Variants in CNOT1 observed in about 807,000 individuals in gnomAD.
The protein encoded by CNOT1 is CCR4-NOT transcription complex subunit 1.
A neutral mutation model predicts 273.8 loss-of-function variants in CNOT1; 15 were observed. That is an observed-to-expected ratio of 0.05 (90% CI 0.04 to 0.08). The LOEUF (loss-of-function observed/expected upper bound fraction) is 0.08, where lower values mean the gene tolerates loss of function less well. Ranked by LOEUF, CNOT1 falls within the 10% of genes least tolerant of loss-of-function variation. The pLI is 1.00. For synonymous variants in CNOT1, 1,022 were observed against 1,005.5 expected, an observed-to-expected ratio of 1.02 and a Z score of -0.31; for missense variants, 1,644 against 2,912.2, an observed-to-expected ratio of 0.56 and a Z score of 10.02.
chr16:58,560,800 G>C (rs1014467427), intron 16 of CNOT1, among the ~76,000 whole-genome samples: 6 of 152,202 alleles, frequency 3.9e-5, no homozygotes, highest in Non-Finnish European at 7.3e-5. Flanking sequence ...CAAGGCGGGG[G>C]TATTGCCTGA....
intron 16 of CNOT1, among the ~76,000 whole-genome samples, chr16:58,569,966 A>G (rs1191954203): frequency 1.3e-5 from 2 of 152,224 alleles, no homozygotes; most frequent in African/African-American, 4.8e-5. Context: ...AAGAAAAAAG[A>G]CAAGGAGAGT....
chr16:58,597,927 C>CA (rs1232714387), intron 2 of CNOT1: 2 of 253,584 alleles, frequency 7.9e-6, no homozygotes. Context: ...ATGAAAAACC[C>CA]AGACATGAAG....
At position 58,599,284 on chromosome 16, in the gene CNOT1, G is replaced by A. The variant is rs1468947640; in HGVS notation, c.54C>T (p.Asp18=). 3 of 1,613,804 alleles carry A rather than the reference G, an allele frequency of 1.9e-6. No individual in the cohort carries two copies. The highest frequency in any genetic ancestry group is 2.7e-5 in the African/African-American group (2 of 74,834). Residue 18 remains aspartate, a synonymous_variant, in exon 2 of 49, where the codon GAC becomes GAT. Transcript: ENST00000317147. The part of the protein sequence containing the change: ...LALSQISYLV[D]NLTKKNYRAS... ...CTCGGTAATTTTTCTTGGTTAAATT[G>A]TCCACCAGGTAGCTGATTTGAGACA...
chr16:58,542,383 T>C (rs944980388), intron 32 of CNOT1, 45 bp downstream of exon 32: 1 of 1,612,802 alleles, frequency 6.2e-7, no homozygotes, highest in African/African-American at 1.3e-5. Flanking sequence ...GGCACTTCCC[T>C]AAATTAAAAA....
intron 16 of CNOT1, among the ~76,000 whole-genome samples, chr16:58,562,562 A>G (rs1453537994): frequency 1.3e-5 from 2 of 151,820 alleles, no homozygotes; most frequent in African/African-American, 4.8e-5. Context: ...GGTGGCTCAC[A>G]CCTGTAATCC....
intron 1 of CNOT1, among the ~76,000 whole-genome samples, chr16:58,629,192 G>A (rs1194888059): frequency 1.3e-5 from 2 of 152,224 alleles, no homozygotes; most frequent in East Asian, 3.8e-4. Context: ...TGCTGGGGGC[G>A]TAAGACGGGG....
intron 42 of CNOT1, chr16:58,530,554 C>A (rs995166162): frequency 1.4e-5 from 5 of 362,570 alleles, no homozygotes; most frequent in Non-Finnish European, 2.5e-5. Context: ...AGGCCAAGGC[C>A]AGTGGATCAC....
chr16:58,525,870 C>T, intron 45 of CNOT1, 119 bp downstream of exon 45: 1 of 826,036 alleles, frequency 1.2e-6, no homozygotes, highest in Non-Finnish European at 1.9e-6. Flanking sequence ...TAATCAACCT[C>T]ACCCAATTGA....
intron 31 of CNOT1, 71 bp from the exon 32 acceptor site, chr16:58,542,639 C>G (rs1877597479): frequency 1.9e-6 from 3 of 1,570,148 alleles, no homozygotes; most frequent in Non-Finnish European, 2.6e-6. Context: ...TGTGGACAGA[C>G]AGGATAGTAG....
intron 1 of CNOT1, among the ~76,000 whole-genome samples, chr16:58,601,726 A>G (rs1033055369): frequency 2.3e-5 from 3 of 128,682 alleles, no homozygotes; most frequent in African/African-American, 9.4e-5. Flanking sequence ...AGTGCTCCAT[A>G]CCCACCTTAA....
intron 42 of CNOT1, among the ~76,000 whole-genome samples, chr16:58,531,314 C>T (rs981553128): frequency 6.6e-6 from 1 of 152,088 alleles, no homozygotes; most frequent in Non-Finnish European, 1.5e-5. Context: ...TCTGAGGGGC[C>T]AAAGAATGGT....
chr16:58,571,551 CA>C (rs1460728762), intron 16 of CNOT1, among the ~76,000 whole-genome samples: 1 of 152,082 alleles, frequency 6.6e-6, no homozygotes, highest in African/African-American at 2.4e-5. Context: ...CACAGCGAGA[CA>C]CAAGACTCCA....
chr16:58,616,105 A>C (rs1464611846), intron 1 of CNOT1, among the ~76,000 whole-genome samples: 1 of 122,296 alleles, frequency 8.2e-6, no homozygotes, highest in Non-Finnish European at 1.9e-5. Context: ...AATTGCAATA[A>C]CTCTTTTTGT....
Position 58,551,230 on chromosome 16 carries a change from T to C in CNOT1, c.3244A>G (p.Thr1082Ala). Residue 1082 changes from threonine (T) to alanine (A), a missense_variant, in exon 24 of 49, where the codon ACA becomes GCA. Around this residue, in one of 13 missense-constraint regions of CNOT1, gnomAD observed 124 missense variants for 289.3 expected, o/e 0.43. Coordinates refer to ENST00000317147, the MANE Select transcript of CNOT1 (RefSeq NM_016284.5). The part of the protein sequence containing the change: ...TTNIDTLLVA[T>A]DQTERIVEPP... Reference sequence around the variant, plus strand: ...TCCACAATTCTCTCAGTTTGATCTGTGGCCACAAGCAACGTATCTATATTT... The same window carrying C: ...TCCACAATTCTCTCAGTTTGATCTGCGGCCACAAGCAACGTATCTATATTT... 1 of 1,605,430 alleles carries C rather than the reference T, an allele frequency of 6.2e-7. No homozygotes were observed. The highest frequency in any genetic ancestry group is 8.5e-7 in the Non-Finnish European group (1 of 1,178,082).
intron 1 of CNOT1, among the ~76,000 whole-genome samples, chr16:58,628,401 C>T (rs140254469): frequency 2.4e-4 from 37 of 152,248 alleles, no homozygotes; most frequent in African/African-American, 8.9e-4. Context: ...ACCGGGACCA[C>T]AGATCACTTA....
chr16:58,525,169 C>T lies in CNOT1; in HGVS notation c.6784+10G>A. ...GAACTCTACTCTGAAAACTGGCAGG[C>T]TTCACTCACCCTCAGTGTCCAAGTC... On this transcript the variant is annotated intron_variant, in intron 46 of 48. Coordinates refer to ENST00000317147, the MANE Select transcript of CNOT1 (RefSeq NM_016284.5). 1 of 1,612,424 alleles carries T rather than the reference C, an allele frequency of 6.2e-7. No individual in the cohort carries two copies. Among genetic ancestry groups the T allele is most frequent in the Non-Finnish European group, 8.5e-7 (1 of 1,179,634 alleles).
At position 58,625,125 on chromosome 16, in the gene CNOT1, C is replaced by T. The variant is rs564819999; in HGVS notation, c.-175+4603G>A. 6.8e-4 allele frequency among the ~76,000 whole-genome samples: 104 copies of T among 152,158 alleles called. 1 individual carries two copies. Among genetic ancestry groups the T allele is most frequent in the African/African-American group, 2.4e-3 (99 of 41,532 alleles). ...ATTAGGCCAGGCGCAGTGGCTCACA[C>T]CTGTAATCCCAGAACTTTGGGAAGC... On this transcript the variant is annotated intron_variant, in intron 1 of 48. Transcript: ENST00000317147.
At chr16:58,575,716 T>C (rs1247121419) in intron 14 of CNOT1, among the ~76,000 whole-genome samples, 2 of 152,096 alleles carry the variant, frequency 1.3e-5, no homozygotes, top group Non-Finnish European at 2.9e-5. Context: ...GGAGAATCAC[T>C]TGAACCCGGG....
At chr16:58,536,175 T>C (rs2039925425) in intron 39 of CNOT1, among the ~76,000 whole-genome samples, 1 of 152,096 alleles carries the variant, frequency 6.6e-6, no homozygotes, top group African/African-American at 2.4e-5. Context: ...TTTGAAGAAA[T>C]ATAATGGTCA....
Sources: allele counts gnomAD v4.1 joint callset (sites outside exome capture counted in the v4.1 genomes callset), GRCh38; gene constraint gnomAD v4.1.1; regional missense constraint gnomAD v4.1.1; transcripts MANE v1.5; gene names NCBI Gene and HGNC (gene_info 2026-07-23, HGNC 2026-07-21).